Variants in LINGO2 observed in about 807,000 individuals in gnomAD.
The protein encoded by LINGO2 is leucine-rich repeat and immunoglobulin-like domain-containing nogo receptor-interacting protein 2.
A neutral mutation model predicts 30.6 loss-of-function variants in LINGO2; 14 were observed. The ratio of observed to expected loss-of-function variants is 0.46; its 90% CI spans 0.30 to 0.72. The LOEUF is 0.72. LINGO2 is among the 30% of genes least tolerant of loss of function. The probability of loss-of-function intolerance (pLI) is 0.07; values close to 1 mark genes in which losing one functional copy is unlikely to be tolerated. For synonymous variants in LINGO2, 317 were observed against 288.5 expected (o/e 1.10, Z -1.00); for missense variants, 729 against 751.7 (o/e 0.97, Z 0.35).
chr9:28,723,359 T>C, the LINGO2 span, among the ~76,000 whole-genome samples: 352 of 152,280 alleles, frequency 2.3e-3, 3 homozygotes, highest in African/African-American at 8.1e-3. Context: ...TCTGATTCTA[T>C]GAATTGTCTT....
chr9:29,179,186 TATATATATATATATATG>T, the LINGO2 span, among the ~76,000 whole-genome samples: 1 of 139,750 alleles, frequency 7.2e-6, no homozygotes, highest in African/African-American at 2.7e-5. Flanking sequence ...TATATATATA[TATATATATATATATATG>T]TTTCACTCCT....
chr9:28,210,773 T>A (rs1820562060), intron 4 of LINGO2, among the ~76,000 whole-genome samples: 2 of 151,260 alleles, frequency 1.3e-5, no homozygotes, highest in Admixed American at 6.6e-5. Context: ...CCATGAGTAT[T>A]TTGTGATATT....
intron 1 of LINGO2, among the ~76,000 whole-genome samples, chr9:28,527,251 C>A (rs1307258271): frequency 6.6e-6 from 1 of 152,154 alleles, no homozygotes; most frequent in Admixed American, 6.6e-5. Flanking sequence ...GCTTGTTTGT[C>A]TAATGCTCCT....
chr9:28,360,705 T>C (rs1820405716), intron 3 of LINGO2, among the ~76,000 whole-genome samples: 1 of 152,170 alleles, frequency 6.6e-6, no homozygotes, highest in Non-Finnish European at 1.5e-5. Context: ...ATTGTATTCC[T>C]TTTAACATTC....
intron 1 of LINGO2, among the ~76,000 whole-genome samples, chr9:28,506,119 T>C (rs1042941978): frequency 6.6e-6 from 1 of 151,684 alleles, no homozygotes; most frequent in Non-Finnish European, 1.5e-5. Context: ...ATATAGTTTA[T>C]ATTGATCTTC....
chr9:27,950,020 C>A (rs957647559), exon 6 of LINGO2: 1 of 1,614,096 alleles, frequency 6.2e-7, no homozygotes, highest in Non-Finnish European at 8.5e-7. Context: ...AAGGCATACA[C>A]AGGCATATTG....
intron 4 of LINGO2, among the ~76,000 whole-genome samples, chr9:28,030,339 A>G (rs1042608962): frequency 1.3e-5 from 2 of 152,216 alleles, no homozygotes; most frequent in Non-Finnish European, 2.9e-5. Context: ...TTTTATCACA[A>G]TGTAGTTTTT....
intron 4 of LINGO2, among the ~76,000 whole-genome samples, chr9:28,092,466 T>C (rs1400053106): frequency 2.0e-5 from 3 of 149,956 alleles, no homozygotes; most frequent in South Asian, 2.1e-4. Flanking sequence ...AAACACCGCA[T>C]GTTCTCACTC....
intron 4 of LINGO2, among the ~76,000 whole-genome samples, chr9:28,238,151 A>AAGAGAGAG (rs34878831): frequency 3.8e-4 from 57 of 150,128 alleles, no homozygotes; most frequent in Admixed American, 1.1e-3. Context: ...ATTAGAACTA[A>AAGAGAGAG]AGAGAGAGAG....
intron 1 of LINGO2, among the ~76,000 whole-genome samples, chr9:28,546,817 G>A (rs778249939): frequency 1.3e-5 from 2 of 151,958 alleles, no homozygotes; most frequent in Non-Finnish European, 2.9e-5. Context: ...ATTCCAAAAT[G>A]CCACACTCTG....
chr9:28,753,700 G>C, the LINGO2 span, among the ~76,000 whole-genome samples: 5 of 151,612 alleles, frequency 3.3e-5, no homozygotes, highest in Non-Finnish European at 7.4e-5. Flanking sequence ...ACTGGAGGGA[G>C]ATTATCTTAA....
chr9:28,537,009 G>C (rs943800220), intron 1 of LINGO2, among the ~76,000 whole-genome samples: 1 of 152,004 alleles, frequency 6.6e-6, no homozygotes, highest in Non-Finnish European at 1.5e-5. Context: ...AATGTGACTA[G>C]TGTCCTTATT....
chr9:28,610,616 C>T (rs1171364322), intron 1 of LINGO2, among the ~76,000 whole-genome samples: 1 of 152,142 alleles, frequency 6.6e-6, no homozygotes, highest in African/African-American at 2.4e-5. Flanking sequence ...AAGCAGAGAC[C>T]AGGATTTCAA....
chr9:29,118,069 T>C, the LINGO2 span, among the ~76,000 whole-genome samples: 4 of 152,052 alleles, frequency 2.6e-5, no homozygotes, highest in Non-Finnish European at 5.9e-5. Flanking sequence ...AAGATCTCCA[T>C]GGAAATGGCC....
intron 1 of LINGO2, among the ~76,000 whole-genome samples, chr9:28,612,150 C>A (rs1225483098): frequency 6.6e-6 from 1 of 152,090 alleles, no homozygotes; most frequent in Non-Finnish European, 1.5e-5. Flanking sequence ...TAGCTTCCAC[C>A]TCCCAGGTTT....
chr9:28,869,738 C>CA, the LINGO2 span, among the ~76,000 whole-genome samples: 1 of 151,858 alleles, frequency 6.6e-6, no homozygotes, highest in East Asian at 1.9e-4. Flanking sequence ...ATCAATAGGT[C>CA]AAAAATCAAT....
chr9:29,203,488 A>G, the LINGO2 span, among the ~76,000 whole-genome samples: 2 of 152,178 alleles, frequency 1.3e-5, no homozygotes, highest in African/African-American at 4.8e-5. Context: ...TGACCCATGT[A>G]TCTTATTTAC....
rs34034595 is a variant in LINGO2, at chr9:28,285,398, A to ATTTTTT, written c.-87+9804_-87+9809dup. 6.3e-4 allele frequency among the ~76,000 whole-genome samples: 48 copies of ATTTTTT among 76,200 alleles called. 3 individuals are homozygous for ATTTTTT. Among genetic ancestry groups the ATTTTTT allele is most frequent in the East Asian group, 1.3e-3 (3 of 2,250 alleles). 50.0% of individuals were successfully genotyped at this position (76,200 alleles called of 152,430 possible). On this transcript the variant is annotated intron_variant, in intron 4 of 5. Coordinates refer to ENST00000379992, the Ensembl canonical transcript of LINGO2. The stretch of plus-strand genomic sequence containing the variant: ...CTGAGAGGACACGTTGCCCAAGATC[A>ATTTTTT]TTTTTTTTTTTTTTTTTTTTTTTTT...
chr9:28,762,133 A>T, the LINGO2 span, among the ~76,000 whole-genome samples: 6 of 152,184 alleles, frequency 3.9e-5, no homozygotes, highest in Admixed American at 3.9e-4. Flanking sequence ...AACCCAAATA[A>T]AGTTAACTTT....
Sources: gnomAD v4.1 joint callset for allele counts (sites outside exome capture counted in the v4.1 genomes callset) on GRCh38, gnomAD v4.1.1 for gene constraint, MANE v1.5 for transcripts, NCBI Gene and HGNC (gene_info 2026-07-23, HGNC 2026-07-21) for gene names.